The following DEPDC1B variants were observed in gnomAD, a reference collection of about 807,000 sequenced individuals.
DEPDC1B encodes the protein DEP domain-containing protein 1B.
DEPDC1B carries 51 observed loss-of-function variants against 66.5 expected under a neutral mutation model. The ratio of observed to expected loss-of-function variants is 0.77; its 90% CI spans 0.61 to 0.97. DEPDC1B has a LOEUF of 0.97. Ranked by LOEUF, DEPDC1B falls within the 50% of genes least tolerant of loss-of-function variation. DEPDC1B has a pLI of 0.00. For missense variants in DEPDC1B, 552 were observed against 637.1 expected (o/e 0.87, Z 1.44); for synonymous variants, 226 against 223.6 (o/e 1.01, Z -0.10).
intron 8 of DEPDC1B, among the ~76,000 whole-genome samples, chr5:60,605,340 G>A (rs1752287014): frequency 6.6e-6 from 1 of 152,072 alleles, no homozygotes; most frequent in African/African-American, 2.4e-5. Context: ...AAGTTGGTAT[G>A]GTAATGAATC....
At position 60,638,741 on chromosome 5, in the gene DEPDC1B, C is replaced by A. The variant is rs1753116345; in HGVS notation, c.898+9G>T. 6.3e-7 allele frequency: 1 copy of A among 1,598,528 alleles called. No individual in the cohort carries two copies. The highest frequency in any genetic ancestry group is 1.4e-5 in the African/African-American group (1 of 73,964). ...GATGTAGATATATGTTCATTATATT[C>A]CAACTTACCCAGTACACTGACAAAA... is the stretch of plus-strand genomic sequence containing the variant. On this transcript the variant is annotated intron_variant, in intron 7 of 10. Coordinates refer to ENST00000265036, the MANE Select transcript of DEPDC1B (RefSeq NM_018369.3).
intron 1 of DEPDC1B, among the ~76,000 whole-genome samples, chr5:60,697,118 AT>A (rs1272617451): frequency 6.6e-6 from 1 of 152,226 alleles, no homozygotes; most frequent in Non-Finnish European, 1.5e-5. Flanking sequence ...TGAATGAACT[AT>A]TTATACCAAG....
chr5:60,617,211 A>G (rs974135169), intron 7 of DEPDC1B, among the ~76,000 whole-genome samples: 11 of 152,236 alleles, frequency 7.2e-5, no homozygotes, highest in African/African-American at 1.9e-4. Context: ...CATCGAGGCT[A>G]GGAAGAAACT....
intron 5 of DEPDC1B, 76 bp from the exon 6 acceptor site, chr5:60,642,935 G>GTAT: frequency 8.9e-7 from 1 of 1,128,606 alleles, no homozygotes; most frequent in Non-Finnish European, 1.3e-6. Flanking sequence ...TCATAAGAAT[G>GTAT]TATTACTTGC....
chr5:60,660,317 G>T (rs938611208), intron 2 of DEPDC1B, among the ~76,000 whole-genome samples: 10 of 102,492 alleles, frequency 9.8e-5, no homozygotes, highest in Non-Finnish European at 2.2e-4. Flanking sequence ...AGAGACAAAG[G>T]GGGGGAGAGA....
chr5:60,641,372 G>A (rs1267752862), intron 6 of DEPDC1B, among the ~76,000 whole-genome samples: 32 of 145,114 alleles, frequency 2.2e-4, no homozygotes, highest in Non-Finnish European at 7.5e-5. Context: ...TTTTTGAGAC[G>A]GAGTCTTGCT....
chr5:60,644,636 G>T, intron 5 of DEPDC1B, 109 bp downstream of exon 5: 1 of 881,264 alleles, frequency 1.1e-6, no homozygotes, highest in South Asian at 2.7e-5. Flanking sequence ...TATACGTAAT[G>T]AAGGAACAAA....
At chr5:60,651,728 G>A (rs1159801899) in intron 2 of DEPDC1B, among the ~76,000 whole-genome samples, 1 of 152,068 alleles carries the variant, frequency 6.6e-6, no homozygotes, top group Non-Finnish European at 1.5e-5. Flanking sequence ...AGAACAGTAA[G>A]GAAGTTGTTG....
chr5:60,691,676 A>AT (rs1243093622), intron 1 of DEPDC1B, among the ~76,000 whole-genome samples: 3 of 152,302 alleles, frequency 2.0e-5, no homozygotes, highest in Admixed American at 6.5e-5. Context: ...CAGGTATATC[A>AT]TAAAAAAAAA....
At chr5:60,620,051 A>G (rs1752665922) in intron 7 of DEPDC1B, among the ~76,000 whole-genome samples, 1 of 152,232 alleles carries the variant, frequency 6.6e-6, no homozygotes, top group African/African-American at 2.4e-5. Flanking sequence ...ATGATTCCCT[A>G]TTTAATAAAT....
chr5:60,676,910 TG>T (rs1754174935), intron 2 of DEPDC1B, among the ~76,000 whole-genome samples: 2 of 152,178 alleles, frequency 1.3e-5, no homozygotes, highest in South Asian at 4.1e-4. Flanking sequence ...ATGTGGCCAC[TG>T]GAGTGAGTTT....
chr5:60,677,326 A>ACTCTCTCTCTCTCTCTCTCT (rs70975391), intron 2 of DEPDC1B, among the ~76,000 whole-genome samples: 5 of 108,522 alleles, frequency 4.6e-5, no homozygotes, highest in African/African-American at 2.0e-4. Context: ...ACACACACAC[A>ACTCTCTCTCTCTCTCTCTCT]CTCTCTCTCT....
chr5:60,647,365 C>A, intron 3 of DEPDC1B, 33 bp downstream of exon 3: 3 of 1,561,616 alleles, frequency 1.9e-6, no homozygotes, highest in Admixed American at 2.0e-5. Flanking sequence ...CTCCCTGCTG[C>A]CAGCCCTTCC....
At chr5:60,629,808 C>T (rs1298396160) in intron 7 of DEPDC1B, among the ~76,000 whole-genome samples, 2 of 152,146 alleles carry the variant, frequency 1.3e-5, no homozygotes, top group Non-Finnish European at 2.9e-5. Context: ...AATTTTGTCC[C>T]AATCTACTGG....
intron 2 of DEPDC1B, among the ~76,000 whole-genome samples, chr5:60,654,015 G>A (rs1479909004): frequency 6.7e-6 from 1 of 149,392 alleles, no homozygotes; most frequent in Non-Finnish European, 1.5e-5. Context: ...TAGGTTTATA[G>A]CATAGCTTGA....
At chr5:60,677,326 A>ACACACACTCTCT (rs770640655) in intron 2 of DEPDC1B, among the ~76,000 whole-genome samples, 1 of 108,564 alleles carries the variant, frequency 9.2e-6, no homozygotes, top group African/African-American at 4.0e-5. Context: ...ACACACACAC[A>ACACACACTCTCT]CTCTCTCTCT....
At chr5:60,691,991 C>T (rs1456521117) in intron 1 of DEPDC1B, among the ~76,000 whole-genome samples, 2 of 152,114 alleles carry the variant, frequency 1.3e-5, no homozygotes, top group African/African-American at 2.4e-5. Flanking sequence ...CAATATAATA[C>T]TATTCAGCCT....
At chr5:60,668,481 G>A (rs1753955322) in intron 2 of DEPDC1B, among the ~76,000 whole-genome samples, 1 of 151,478 alleles carries the variant, frequency 6.6e-6, no homozygotes, top group African/African-American at 2.4e-5. Context: ...CATGATGTTG[G>A]CAAGGCTGGT....
At chr5:60,630,081 TAAG>T (rs1752889516) in intron 7 of DEPDC1B, among the ~76,000 whole-genome samples, 1 of 152,240 alleles carries the variant, frequency 6.6e-6, no homozygotes, top group African/African-American at 2.4e-5. Context: ...TTTCTGATAT[TAAG>T]TTTAGGTCAT....
Sources: gnomAD v4.1 joint callset for allele counts (sites outside exome capture counted in the v4.1 genomes callset) on GRCh38, gnomAD v4.1.1 for gene constraint, MANE v1.5 for transcripts, NCBI Gene and HGNC (gene_info 2026-07-23, HGNC 2026-07-21) for gene names.